RUFY4: variants seen among roughly 807,000 people sequenced by gnomAD.
RUFY4 encodes RUN and FYVE domain-containing protein 4.
A neutral mutation model predicts 69.0 loss-of-function variants in RUFY4; 73 were observed. The observed-to-expected ratio is 1.06, with a 90% confidence interval of 0.88 to 1.29. The LOEUF (loss-of-function observed/expected upper bound fraction) is 1.29, where lower values mean the gene tolerates loss of function less well. RUFY4 is among the 50% of genes most tolerant of loss of function. The probability of loss-of-function intolerance (pLI) is 0.00; values close to 1 mark genes in which losing one functional copy is unlikely to be tolerated. For missense variants in RUFY4, 770 were observed against 705.6 expected, an observed-to-expected ratio of 1.09 and a Z score of -1.03; for synonymous variants, 287 against 271.8, an observed-to-expected ratio of 1.06 and a Z score of -0.55.
chr2:218,055,273 T>A (rs532152363), intron 2 of RUFY4, among the ~76,000 whole-genome samples: 79 of 152,086 alleles, frequency 5.2e-4, no homozygotes, highest in Admixed American at 9.8e-4. Context: ...CAGGCACCTG[T>A]AGTCCCAGCT....
upstream of RUFY4, chr2:218,065,634 C>G (rs1425430562): frequency 6.5e-6 from 1 of 152,882 alleles, no homozygotes; most frequent in Non-Finnish European, 1.5e-5. Flanking sequence ...CAGAAGAAGG[C>G]AGCGAGTGAG....
rs575384890 is a variant in RUFY4, at chr2:218,077,156, A to G, written c.1355+623A>G. On this transcript the variant is annotated intron_variant, in intron 8 of 10. Coordinates refer to ENST00000344321, the Ensembl canonical transcript of RUFY4. ...CTAGTTAGCGGGGGAGCTGAGATTC[A>G]AGGCCTGCAGCTGACTCCAGAACCA... is the stretch of plus-strand genomic sequence containing the variant. 3.9e-5 allele frequency among the ~76,000 whole-genome samples: 6 copies of G among 152,252 alleles called. No individual in the cohort carries two copies. In the South Asian group the frequency reaches 1.2e-3, roughly 32 times the overall value.
intron 6 of RUFY4, among the ~76,000 whole-genome samples, chr2:218,074,115 A>ACCCTCTG (rs1400158162): frequency 7.9e-5 from 12 of 151,796 alleles, no homozygotes; most frequent in African/African-American, 2.7e-4. Context: ...GAACTCTAGC[A>ACCCTCTG]CCCTCTGCCG....
chr2:218,054,099 T>C (rs372804931), intron 2 of RUFY4, among the ~76,000 whole-genome samples: 2 of 152,244 alleles, frequency 1.3e-5, no homozygotes, highest in East Asian at 3.9e-4. Context: ...GCAATACAAA[T>C]GACAGAATTC....
chr2:218,062,451 G>A (rs1166331013), intron 3 of RUFY4, among the ~76,000 whole-genome samples: 2 of 150,634 alleles, frequency 1.3e-5, no homozygotes, highest in Non-Finnish European at 2.9e-5. Flanking sequence ...GGTGGCTCAT[G>A]CCTGTAATCC....
chr2:218,039,844 C>T (rs1217408255), intron 2 of RUFY4, among the ~76,000 whole-genome samples: 1 of 152,198 alleles, frequency 6.6e-6, no homozygotes, highest in Non-Finnish European at 1.5e-5. Context: ...TAGCTAGCAG[C>T]AAAGGAGCGT....
chr2:218,083,481 G>T (rs1689816532), intron 9 of RUFY4, among the ~76,000 whole-genome samples: 1 of 152,036 alleles, frequency 6.6e-6, no homozygotes, highest in Non-Finnish European at 1.5e-5. Context: ...CAGGCGCAGT[G>T]GTTCACACCT....
chr2:218,040,945 T>C (rs1688678722), intron 2 of RUFY4, among the ~76,000 whole-genome samples: 1 of 151,948 alleles, frequency 6.6e-6, no homozygotes, highest in Non-Finnish European at 1.5e-5. Flanking sequence ...CTGGATGTCC[T>C]TACTAGATGC....
At chr2:218,042,721 C>T (rs1274188575) in intron 2 of RUFY4, among the ~76,000 whole-genome samples, 1 of 152,014 alleles carries the variant, frequency 6.6e-6, no homozygotes, top group Non-Finnish European at 1.5e-5. Context: ...CCAGCTTCAG[C>T]TTGAAGGGCT....
intron 2 of RUFY4, among the ~76,000 whole-genome samples, chr2:218,037,174 G>A (rs750118549): frequency 3.9e-5 from 6 of 152,040 alleles, no homozygotes; most frequent in Non-Finnish European, 5.9e-5. Context: ...CAAAAAATTA[G>A]CCGGGCGTGG....
chr2:218,080,505 T>A (rs1689736525), intron 8 of RUFY4, among the ~76,000 whole-genome samples: 2 of 152,186 alleles, frequency 1.3e-5, no homozygotes, highest in African/African-American at 4.8e-5. Flanking sequence ...GGGCCTCAGG[T>A]CCCTGATTTG....
chr2:218,073,161 T>C, intron 4 of RUFY4, 82 bp from the exon 7 acceptor site: 3 of 1,492,774 alleles, frequency 2.0e-6, no homozygotes, highest in Non-Finnish European at 2.7e-6. Context: ...TTTGTTGAGG[T>C]TGAGCTGGGG....
At chr2:218,066,667 C>A (rs1458405417), upstream of RUFY4, among the ~76,000 whole-genome samples, 2 of 152,236 alleles carry the variant, frequency 1.3e-5, no homozygotes, top group Admixed American at 6.5e-5. Flanking sequence ...CTAAAGATAA[C>A]GTCTTACATT....
At chr2:218,062,316 G>A (rs1259448923) in intron 3 of RUFY4, among the ~76,000 whole-genome samples, 1 of 151,174 alleles carries the variant, frequency 6.6e-6, no homozygotes, top group Non-Finnish European at 1.5e-5. Context: ...TGAGACAGGA[G>A]AATGGCGTGA....
At position 218,053,917 on chromosome 2, in the gene RUFY4, T is replaced by C. The variant is rs12619800; in HGVS notation, c.-1157-4678T>C. Among the ~76,000 whole-genome samples, 13 of 152,362 alleles carry C rather than the reference T, an allele frequency of 8.5e-5. No individual in the cohort carries two copies. The East Asian group carries it at 2.5e-3, about 29-fold the overall frequency. On this transcript the variant is annotated intron_variant and NMD_transcript_variant, in intron 2 of 13. Transcript: ENST00000457754. ...GCCTTGGCCTCCCAAAGTGCTGGAATGACAAGCCTGAGACACCGCACCTGG... is the reference window on the plus strand; with the variant it reads ...GCCTTGGCCTCCCAAAGTGCTGGAACGACAAGCCTGAGACACCGCACCTGG...
At chr2:218,087,849 A>T (rs1379714728) in intron 9 of RUFY4, among the ~76,000 whole-genome samples, 1 of 152,114 alleles carries the variant, frequency 6.6e-6, no homozygotes, top group Non-Finnish European at 1.5e-5. Flanking sequence ...AAAAAATTAC[A>T]ATGGTAGCCA....
intron 2 of RUFY4, 91 bp downstream of exon 4, chr2:218,070,950 C>T: frequency 1.1e-6 from 1 of 918,028 alleles, no homozygotes; most frequent in Non-Finnish European, 1.6e-6. Context: ...AGCCACAGCC[C>T]CCTTCCTTAC....
chr2:218,079,645 G>C (rs971460445), intron 8 of RUFY4, among the ~76,000 whole-genome samples: 2 of 152,146 alleles, frequency 1.3e-5, no homozygotes, highest in South Asian at 4.1e-4. Context: ...CTGACCCTGA[G>C]GCTCAGAAGA....
At chr2:218,061,529 G>C (rs1460089820) in intron 3 of RUFY4, 3 of 163,934 alleles carry the variant, frequency 1.8e-5, no homozygotes, top group Non-Finnish European at 4.0e-5. Flanking sequence ...CTTTGTGTTG[G>C]CTTGTATATT....
Sources: allele counts gnomAD v4.1 joint callset (sites outside exome capture counted in the v4.1 genomes callset), GRCh38; gene constraint gnomAD v4.1.1; transcripts MANE v1.5; gene names NCBI Gene and HGNC (gene_info 2026-07-23, HGNC 2026-07-21).